TRERF1: variants seen among roughly 807,000 people sequenced by gnomAD.
TRERF1 encodes transcriptional regulating factor 1.
In TRERF1, 27 loss-of-function variants were observed where a neutral mutation model predicts 122.9. The observed-to-expected ratio is 0.22, with a 90% CI of 0.16 to 0.30. The LOEUF (loss-of-function observed/expected upper bound fraction) is 0.30. Ranked by LOEUF, TRERF1 falls within the 10% of genes least tolerant of loss-of-function variation. The pLI, the probability that TRERF1 is intolerant of heterozygous loss-of-function variation, is 1.00. For synonymous variants in TRERF1, 636 were observed against 641.7 expected, an observed-to-expected ratio of 0.99 and a Z score of 0.13; for missense variants, 1,248 against 1,560.3, an observed-to-expected ratio of 0.80 and a Z score of 3.37.
rs753820030 is a variant in TRERF1, at chr6:42,268,523, G to A, written c.1068C>T (p.His356=). 1.2e-5 allele frequency: 19 copies of A among 1,613,908 alleles called. No individual in the cohort carries two copies. In the South Asian group the frequency reaches 1.4e-4, roughly 12 times the overall value. The change falls in exon 5 of 18, where the codon CAC becomes CAT. Residue 356 remains histidine, a synonymous_variant. Transcript: ENST00000372922. This position sits in a 1 kb window ranked among gnomAD's most constrained non-coding sequence, Gnocchi z 4.4. ...TGTGTGCCTGCTCTGGGGTATACTG[G>A]TGAGGGTCCCTGTGATAAGAAGGAG...
In TRERF1 at chr6:42,269,559, T is replaced by C. The variant is rs1355410137; in HGVS notation, c.32A>G (p.His11Arg). 1.2e-6 allele frequency: 2 copies of C among 1,614,082 alleles called. No individual in the cohort carries two copies. The highest frequency in any genetic ancestry group is 1.7e-5 in the Admixed American group (1 of 60,008). The change falls in exon 5 of 18, where the codon CAT becomes CGT. Residue 11 changes from histidine (H) to arginine (R), a missense_variant. Physicochemically the swap from His to Arg is conservative, Grantham distance 29. Coordinates refer to ENST00000372922, the Ensembl canonical transcript of TRERF1. This position sits in a 1 kb window ranked among gnomAD's most constrained non-coding sequence, Gnocchi z 4.9. ...AAGGTTCTCACTACCATGGGCCACA[T>C]GGTTGGTCTTGTACAGTTGCTGGTC...
In TRERF1 at chr6:42,381,118, A is replaced by AC. The variant is rs1775834570; in HGVS notation, c.-453-18040dup. 2.0e-5 allele frequency among the ~76,000 whole-genome samples: 3 copies of AC among 151,920 alleles called. No homozygotes were observed. In the South Asian group the frequency reaches 6.2e-4, roughly 32 times the overall value. ...CACCATCAGACTGAATTCATCCTGCACCTCCTTCTATGCCTTTCCCCTCAG... is the reference window on the plus strand; with the variant it reads ...CACCATCAGACTGAATTCATCCTGCACCCTCCTTCTATGCCTTTCCCCTCAG... On this transcript the variant is annotated intron_variant, in intron 2 of 17. Coordinates refer to ENST00000372922, the Ensembl canonical transcript of TRERF1.
At chr6:42,356,863 C>A (rs114688804) in intron 3 of TRERF1, among the ~76,000 whole-genome samples, 1 of 151,996 alleles carries the variant, frequency 6.6e-6, no homozygotes. Flanking sequence ...TGAGCCATTG[C>A]GCCCGGCCCA....
intron 2 of TRERF1, among the ~76,000 whole-genome samples, chr6:42,413,493 T>C (rs1372271388): frequency 1.4e-5 from 2 of 146,998 alleles, no homozygotes; most frequent in Non-Finnish European, 3.0e-5. Context: ...GCAGAGGCAC[T>C]ATCTCAGCTC....
intron 2 of TRERF1, among the ~76,000 whole-genome samples, chr6:42,374,666 C>T (rs910306746): frequency 3.3e-5 from 5 of 152,138 alleles, no homozygotes; most frequent in African/African-American, 1.2e-4. Context: ...CCTACCCTCA[C>T]CCCCTACCAT....
intron 3 of TRERF1, among the ~76,000 whole-genome samples, chr6:42,342,030 T>G (rs1767386301): frequency 6.6e-6 from 1 of 152,208 alleles, no homozygotes; most frequent in Non-Finnish European, 1.5e-5. Flanking sequence ...ACAAATTAAT[T>G]AATTGCAAGG....
intron 2 of TRERF1, among the ~76,000 whole-genome samples, chr6:42,395,469 T>A (rs1167654714): frequency 6.6e-6 from 1 of 152,156 alleles, no homozygotes; most frequent in Admixed American, 6.5e-5. Flanking sequence ...CAATGAAGGC[T>A]CTGTGGCCAC....
intron 4 of TRERF1, among the ~76,000 whole-genome samples, chr6:42,283,727 C>T (rs1582804635): frequency 6.6e-6 from 1 of 151,134 alleles, no homozygotes; most frequent in Admixed American, 6.6e-5. Context: ...AGTGAGTCTC[C>T]TGCCTCAGCC....
At chr6:42,348,861 G>C (rs1387548160) in intron 3 of TRERF1, among the ~76,000 whole-genome samples, 1 of 152,156 alleles carries the variant, frequency 6.6e-6, no homozygotes, top group Admixed American at 6.5e-5. Context: ...GGAAAGATTA[G>C]TTAGAAGGAA....
At chr6:42,383,016 G>T (rs1776215646) in intron 2 of TRERF1, among the ~76,000 whole-genome samples, 1 of 152,058 alleles carries the variant, frequency 6.6e-6, no homozygotes, top group Non-Finnish European at 1.5e-5. Flanking sequence ...TTGTCTGGAG[G>T]TTGGGGCAAA....
At chr6:42,311,112 CAAAT>C (rs1394343995) in intron 3 of TRERF1, among the ~76,000 whole-genome samples, 3 of 152,092 alleles carry the variant, frequency 2.0e-5, no homozygotes, top group East Asian at 3.8e-4. Context: ...CAGCAGGAAA[CAAAT>C]AAAAGGTCCC....
At chr6:42,398,016 A>T (rs2151312534) in intron 2 of TRERF1, among the ~76,000 whole-genome samples, 1 of 152,310 alleles carries the variant, frequency 6.6e-6, no homozygotes, top group South Asian at 2.1e-4. Flanking sequence ...TGCAACCTGA[A>T]TCCTATATTA....
chr6:42,243,197 C>T lies in TRERF1; in HGVS notation c.2859+51G>A, dbSNP rs191219542. 849 of 1,445,014 alleles carry T rather than the reference C, an allele frequency of 5.9e-4. 6 individuals carry two copies. The African/African-American group carries it at 0.011, about 19-fold the overall frequency. 89.5% of individuals were successfully genotyped at this position (1,445,014 alleles called of 1,614,324 possible). ...ACACCAGCTACTTACTAACCTGGGC[C>T]TGGGGTGGGAGCTGTCCCAGCACAA... On this transcript the variant is annotated intron_variant, in intron 15 of 17. Transcript: ENST00000372922.
chr6:42,416,553 C>T (rs1781866294), intron 2 of TRERF1, among the ~76,000 whole-genome samples: 1 of 152,096 alleles, frequency 6.6e-6, no homozygotes. Flanking sequence ...CTCCCGTGAC[C>T]ATGGAGTTCT....
In TRERF1 at chr6:42,366,401, A is replaced by G. The variant is rs545746012; in HGVS notation, c.-453-3322T>C. Among the ~76,000 whole-genome samples the G allele has an allele frequency of 2.0e-5, 3 of 152,346 alleles. No individual in the cohort carries two copies. In the South Asian group the frequency reaches 6.2e-4, roughly 32 times the overall value. On this transcript the variant is annotated intron_variant, in intron 2 of 17. Transcript: ENST00000372922. ...CCAAGATGGCCAAGTGAAGAGACACAGGGCCTTCTTGAAGCTGGGAGGCAT... is the reference window on the plus strand; with the variant it reads ...CCAAGATGGCCAAGTGAAGAGACACGGGGCCTTCTTGAAGCTGGGAGGCAT...
chr6:42,326,250 AC>A (rs1183480848), intron 3 of TRERF1, among the ~76,000 whole-genome samples: 28 of 145,272 alleles, frequency 1.9e-4, no homozygotes, highest in African/African-American at 7.9e-4. Flanking sequence ...GGAAGGGGTG[AC>A]AGGGGCCTGT....
chr6:42,247,067 T>G (rs748780038), intron 13 of TRERF1, among the ~76,000 whole-genome samples: 14 of 152,288 alleles, frequency 9.2e-5, no homozygotes, highest in Non-Finnish European at 1.8e-4. Flanking sequence ...TTGTAATTAT[T>G]CAGGTAGAGG....
At chr6:42,374,247 C>T (rs993779992) in intron 2 of TRERF1, among the ~76,000 whole-genome samples, 7 of 152,136 alleles carry the variant, frequency 4.6e-5, no homozygotes, top group African/African-American at 1.7e-4. Context: ...CTTGCCCCTA[C>T]ACACTCTGTT....
Position 42,275,145 on chromosome 6 carries a change from T to C in TRERF1, c.-258-5297A>G, listed in dbSNP as rs1402195721. Reference sequence around the variant, plus strand: ...TATTTTAAACATATCATTTAAAACCTGAAAACTGTTCTTCTTAGTGGATTA... The same window carrying C: ...TATTTTAAACATATCATTTAAAACCCGAAAACTGTTCTTCTTAGTGGATTA... On this transcript the variant is annotated intron_variant, in intron 4 of 17. Transcript: ENST00000372922. This position sits in a 1 kb window ranked among gnomAD's most constrained non-coding sequence, Gnocchi z 4.1. Among the ~76,000 whole-genome samples, 1 of 152,260 alleles carries C rather than the reference T, an allele frequency of 6.6e-6. No individual in the cohort carries two copies. Among genetic ancestry groups the C allele is most frequent in the Non-Finnish European group, 1.5e-5 (1 of 68,048 alleles).
Sources: gnomAD v4.1 joint callset for allele counts (sites outside exome capture counted in the v4.1 genomes callset) on GRCh38, gnomAD v4.1.1 for gene constraint, Gnocchi (gnomAD v3.1) non-coding constraint, MANE v1.5 for transcripts, NCBI Gene and HGNC (gene_info 2026-07-23, HGNC 2026-07-21) for gene names.